PRIM2: variants seen among roughly 807,000 people sequenced by gnomAD.
The protein encoded by PRIM2 is DNA primase large subunit.
In PRIM2, 39 loss-of-function variants were observed where a neutral mutation model predicts 67.3. The observed-to-expected ratio is 0.58, with a 90% CI of 0.45 to 0.76. PRIM2 has a LOEUF of 0.76. Among genes scored for constraint, PRIM2 ranks in the 30% least tolerant of loss-of-function variants. PRIM2 has a pLI of 0.00. For synonymous variants in PRIM2, 143 were observed against 198.7 expected, an observed-to-expected ratio of 0.72 and a Z score of 2.36; for missense variants, 398 against 598.7, an observed-to-expected ratio of 0.66 and a Z score of 3.50.
At chr6:57,447,205 A>C (rs1408191656) in intron 7 of PRIM2, among the ~76,000 whole-genome samples, 1 of 152,236 alleles carries the variant, frequency 6.6e-6, no homozygotes, top group Non-Finnish European at 1.5e-5. Context: ...ATTTACCTTT[A>C]TTAAGCTCTG....
Position 57,490,387 on chromosome 6 carries a change from T to C in PRIM2, c.694-17000T>C, listed in dbSNP as rs1400131687. 2.4e-4 allele frequency among the ~76,000 whole-genome samples: 37 copies of C among 152,270 alleles called. 1 individual carries two copies. Among genetic ancestry groups the C allele is most frequent in the Admixed American group, 2.2e-3 (33 of 15,292 alleles). On this transcript the variant is annotated intron_variant, in intron 7 of 13. Coordinates refer to ENST00000615550, the MANE Select transcript of PRIM2 (RefSeq NM_000947.5). ...TGGCCATTTTTTTCATGTATGTTTC[T>C]AGACCTAGTAGCTCATAGCTTGTGT...
chr6:57,396,629 A>C (rs1770524332), intron 7 of PRIM2, among the ~76,000 whole-genome samples: 1 of 152,146 alleles, frequency 6.6e-6, no homozygotes, highest in Non-Finnish European at 1.5e-5. Flanking sequence ...TTCTGAGTGG[A>C]GCATTTAGGT....
chr6:57,418,271 C>T (rs1372426194), intron 7 of PRIM2, among the ~76,000 whole-genome samples: 1 of 140,268 alleles, frequency 7.1e-6, no homozygotes, highest in Non-Finnish European at 1.5e-5. Flanking sequence ...TTATTTTGGT[C>T]AAAAGGAAGT....
chr6:57,312,900 C>T (rs900230553), upstream of PRIM2, among the ~76,000 whole-genome samples: 1 of 152,154 alleles, frequency 6.6e-6, no homozygotes, highest in Admixed American at 6.5e-5. Context: ...CATTTTTCCT[C>T]CCTATAGACA....
chr6:57,336,285 G>A (rs942862303), intron 5 of PRIM2, among the ~76,000 whole-genome samples: 1 of 152,022 alleles, frequency 6.6e-6, no homozygotes. Context: ...AAAACACTCT[G>A]CAGGATATTA....
chr6:57,576,592 A>T (rs1430251554), intron 10 of PRIM2, among the ~76,000 whole-genome samples: 4 of 151,792 alleles, frequency 2.6e-5, no homozygotes, highest in African/African-American at 7.2e-5. Flanking sequence ...CTGATCCTTT[A>T]TCGTCATTCA....
intron 7 of PRIM2, among the ~76,000 whole-genome samples, chr6:57,421,767 T>C (rs1462212962): frequency 2.0e-5 from 3 of 152,216 alleles, no homozygotes; most frequent in African/African-American, 7.2e-5. Context: ...ACTCAAGATT[T>C]TCATTTTTCT....
At chr6:57,377,649 C>T (rs1199702511) in intron 5 of PRIM2, among the ~76,000 whole-genome samples, 1 of 152,032 alleles carries the variant, frequency 6.6e-6, no homozygotes, top group Admixed American at 6.5e-5. Flanking sequence ...TTGTTCACAG[C>T]TACAGGAATT....
At chr6:57,262,866 T>TC in the PRIM2 span, among the ~76,000 whole-genome samples, 1 of 152,098 alleles carries the variant, frequency 6.6e-6, no homozygotes, top group African/African-American at 2.4e-5. Flanking sequence ...TTTGCCCTTT[T>TC]CCCCTCTCCC....
intron 12 of PRIM2, among the ~76,000 whole-genome samples, chr6:57,607,722 C>CT (rs1389469689): frequency 1.8e-4 from 28 of 151,742 alleles, no homozygotes; most frequent in Admixed American, 1.7e-3. Context: ...GAATTAGTGG[C>CT]TTTTTTTTAA....
chr6:57,602,472 C>T (rs1776488219), intron 11 of PRIM2, among the ~76,000 whole-genome samples: 5 of 152,080 alleles, frequency 3.3e-5, no homozygotes, highest in Non-Finnish European at 1.5e-5. Flanking sequence ...TTTGCAAGTA[C>T]ACTGGGTGAG....
At chr6:57,398,981 T>G (rs1770616111) in intron 7 of PRIM2, among the ~76,000 whole-genome samples, 1 of 152,082 alleles carries the variant, frequency 6.6e-6, no homozygotes, top group Non-Finnish European at 1.5e-5. Flanking sequence ...CCTGTTTTTT[T>G]CTGATTTCCA....
At chr6:57,308,100 G>C in the PRIM2 span, among the ~76,000 whole-genome samples, 1 of 151,734 alleles carries the variant, frequency 6.6e-6, no homozygotes, top group Non-Finnish European at 1.5e-5. Flanking sequence ...GAATACACCA[G>C]AATTTATTTA....
chr6:57,590,653 T>TG (rs1218993455), intron 10 of PRIM2, among the ~76,000 whole-genome samples: 4 of 152,144 alleles, frequency 2.6e-5, no homozygotes, highest in Non-Finnish European at 5.9e-5. Flanking sequence ...TCTCAATATC[T>TG]GGGGGGTTCT....
chr6:57,326,428 G>C (rs1581792403), intron 5 of PRIM2: 1 of 158,996 alleles, frequency 6.3e-6, no homozygotes. Flanking sequence ...TTATTTAAAA[G>C]TCAGTTGTCA....
chr6:57,337,224 C>G (rs1768285664), intron 5 of PRIM2, among the ~76,000 whole-genome samples: 2 of 151,742 alleles, frequency 1.3e-5, no homozygotes, highest in Non-Finnish European at 3.0e-5. Context: ...TCCTGAGTGA[C>G]CTACAAAGAG....
chr6:57,373,074 C>T (rs1769618041), intron 5 of PRIM2, among the ~76,000 whole-genome samples: 1 of 152,176 alleles, frequency 6.6e-6, no homozygotes, highest in South Asian at 2.1e-4. Context: ...TTTACTCTTC[C>T]ACCAGCAGTG....
chr6:57,446,980 A>G (rs1217602610), intron 7 of PRIM2, among the ~76,000 whole-genome samples: 4 of 152,286 alleles, frequency 2.6e-5, no homozygotes, highest in Middle Eastern at 3.4e-3. Flanking sequence ...GGAGCCTTCC[A>G]CTGACAACTC....
chr6:57,227,214 G>A, the PRIM2 span, among the ~76,000 whole-genome samples: 1 of 152,150 alleles, frequency 6.6e-6, no homozygotes, highest in Non-Finnish European at 1.5e-5. Flanking sequence ...TTCGCTCATG[G>A]TAAATAAGGA....
Sources: gnomAD v4.1 joint callset for allele counts (sites outside exome capture counted in the v4.1 genomes callset) on GRCh38, gnomAD v4.1.1 for gene constraint, MANE v1.5 for transcripts, NCBI Gene and HGNC (gene_info 2026-07-23, HGNC 2026-07-21) for gene names.